Variants in DBX2 observed in about 807,000 individuals in gnomAD.
The protein encoded by DBX2 is homeobox protein DBX2.
DBX2 carries 16 observed loss-of-function variants against 17.7 expected under a neutral mutation model. The observed-to-expected ratio is 0.90, with a 90% CI of 0.61 to 1.37. DBX2 has a LOEUF of 1.37. Among genes scored for constraint, DBX2 ranks in the 40% most tolerant of loss-of-function variants. The pLI, the probability that DBX2 is intolerant of heterozygous loss-of-function variation, is 0.00. For synonymous variants in DBX2, 255 were observed against 183.8 expected, an observed-to-expected ratio of 1.39 and a Z score of -3.13; for missense variants, 538 against 433.8, an observed-to-expected ratio of 1.24 and a Z score of -2.13.
intron 1 of DBX2, 114 bp from the exon 2 acceptor site, chr12:45,036,228 T>A: frequency 4.2e-6 from 4 of 955,156 alleles, no homozygotes; most frequent in Non-Finnish European, 5.9e-6. Context: ...TAATTTGTAT[T>A]GAAATTAAAG....
In DBX2 at chr12:45,023,897, A is replaced by G. The variant is rs758634741; in HGVS notation, c.500-3T>C. The G allele has an allele frequency of 1.9e-5, 29 of 1,542,184 alleles. No individual in the cohort carries two copies. The highest frequency in any genetic ancestry group is 1.3e-5 in the South Asian group (1 of 76,736). Reference sequence around the variant, plus strand: ...GAGAGGCAGCATGCTCTCTTCTCCTAGAGTCGAGGGAAAAAGATACAAAAG... The same window carrying G: ...GAGAGGCAGCATGCTCTCTTCTCCTGGAGTCGAGGGAAAAAGATACAAAAG... On this transcript the variant is annotated splice_region_variant and splice_polypyrimidine_tract_variant and intron_variant, in intron 2 of 3. Coordinates refer to ENST00000332700, the MANE Select transcript of DBX2 (RefSeq NM_001004329.3).
At chr12:45,029,601 A>C (rs1183497834) in intron 2 of DBX2, among the ~76,000 whole-genome samples, 6 of 152,208 alleles carry the variant, frequency 3.9e-5, no homozygotes, top group African/African-American at 1.4e-4. Context: ...GCAGTGGCTC[A>C]TGCCTGTAAT....
intron 3 of DBX2, among the ~76,000 whole-genome samples, chr12:45,020,917 A>G (rs2137018691): frequency 6.6e-6 from 1 of 152,224 alleles, no homozygotes; most frequent in East Asian, 1.9e-4. Context: ...CGCCATTTGT[A>G]AATGACAGAA....
At chr12:45,028,051 C>T (rs988112278) in intron 2 of DBX2, among the ~76,000 whole-genome samples, 1 of 152,188 alleles carries the variant, frequency 6.6e-6, no homozygotes, top group African/African-American at 2.4e-5. Flanking sequence ...AGCAATTCCT[C>T]TTGCTGGCAA....
chr12:45,044,435 A>G (rs1015800679), intron 1 of DBX2, among the ~76,000 whole-genome samples: 2 of 152,198 alleles, frequency 1.3e-5, no homozygotes, highest in Non-Finnish European at 2.9e-5. Context: ...GTTTTAAAGA[A>G]CAAGAAATTT....
intron 1 of DBX2, among the ~76,000 whole-genome samples, chr12:45,039,499 G>A (rs967223955): frequency 6.6e-6 from 1 of 151,410 alleles, no homozygotes; most frequent in Non-Finnish European, 1.5e-5. Flanking sequence ...TAGATAAAAT[G>A]CATTTCAAAC....
At chr12:45,032,926 T>G (rs1488800258) in intron 2 of DBX2, among the ~76,000 whole-genome samples, 3 of 152,248 alleles carry the variant, frequency 2.0e-5, no homozygotes, top group Non-Finnish European at 4.4e-5. Context: ...TTCCATTTCA[T>G]GTTATTTGAG....
chr12:45,049,822 G>A (rs1296098937), intron 1 of DBX2, among the ~76,000 whole-genome samples: 1 of 152,092 alleles, frequency 6.6e-6, no homozygotes, highest in Non-Finnish European at 1.5e-5. Context: ...GGTTTTATAC[G>A]GTGATTAAAA....
At chr12:45,027,484 GAA>G (rs1249463209) in intron 2 of DBX2, among the ~76,000 whole-genome samples, 1 of 152,000 alleles carries the variant, frequency 6.6e-6, no homozygotes, top group Non-Finnish European at 1.5e-5. Flanking sequence ...AAAATTAGGA[GAA>G]AAAATAAATA....
chr12:45,031,039 C>A (rs981102750), intron 2 of DBX2, among the ~76,000 whole-genome samples: 1 of 152,150 alleles, frequency 6.6e-6, no homozygotes, highest in South Asian at 2.1e-4. Flanking sequence ...GTGTCTCTCC[C>A]TCCTGGAGTC....
intron 1 of DBX2, among the ~76,000 whole-genome samples, chr12:45,048,082 T>C (rs1946509396): frequency 6.6e-6 from 1 of 152,132 alleles, no homozygotes; most frequent in Non-Finnish European, 1.5e-5. Context: ...AGTAAGCATG[T>C]GCTGAATGAA....
intron 2 of DBX2, among the ~76,000 whole-genome samples, chr12:45,035,084 A>G (rs1946432506): frequency 6.6e-6 from 1 of 152,232 alleles, no homozygotes; most frequent in Non-Finnish European, 1.5e-5. Flanking sequence ...TTGCTGCCTC[A>G]CTTGTCAGGA....
rs11182793 is a variant in DBX2, at chr12:45,016,012, T to C, written c.*274A>G. The C allele has an allele frequency of 0.025, 7,414 of 302,010 alleles. 373 individuals are homozygous for C. Among genetic ancestry groups the C allele is most frequent in the East Asian group, 0.19 (3,119 of 16,400 alleles). 18.7% of individuals were successfully genotyped at this position (302,010 alleles called of 1,614,324 possible). A position where few individuals can be genotyped will look rare whatever the true frequency, so the allele number is the denominator to read the frequency against. ...ACACACACATAGAGACAAACACATA[T>C]ATACACATACTCAGAGCAGGGACCG... is the stretch of plus-strand genomic sequence containing the variant. On this transcript the variant is annotated 3_prime_UTR_variant, in exon 4 of 4. Transcript: ENST00000332700.
chr12:45,047,507 G>C (rs1447009523), intron 1 of DBX2, among the ~76,000 whole-genome samples: 2 of 152,020 alleles, frequency 1.3e-5, no homozygotes, highest in Non-Finnish European at 2.9e-5. Context: ...TTTTCTTGCT[G>C]TAAATACTCA....
At chr12:45,028,550 AG>A (rs1410525226) in intron 2 of DBX2, among the ~76,000 whole-genome samples, 1 of 152,188 alleles carries the variant, frequency 6.6e-6, no homozygotes, top group Non-Finnish European at 1.5e-5. Context: ...AGCAACCCAT[AG>A]GTTTTCCTAA....
chr12:45,048,845 T>C (rs1439927360), intron 1 of DBX2, among the ~76,000 whole-genome samples: 1 of 152,198 alleles, frequency 6.6e-6, no homozygotes. Context: ...GAAAAATACA[T>C]GCTTAAACTG....
At position 45,050,589 on chromosome 12, in the gene DBX2, G is replaced by C; in HGVS notation, c.339C>G (p.Asp113Glu). Residue 113 changes from aspartate to glutamate, a missense_variant, in exon 1 of 4, where the codon GAC (aspartate) becomes GAG (glutamate). By Grantham distance (45) the Asp-to-Glu change is conservative. Transcript: ENST00000332700. Reference sequence around the variant, plus strand: ...GAGCCCGGCCCGGCAGCCTCGCACTGTCCGCAGAGGGACTGAGCACTTGAA... The same window carrying C: ...GAGCCCGGCCCGGCAGCCTCGCACTCTCCGCAGAGGGACTGAGCACTTGAA... ...WAFQVLSPSA[D>E]SARLPGRAPG... 2.6e-6 allele frequency: 4 copies of C among 1,551,852 alleles called. No individual in the cohort carries two copies. Among genetic ancestry groups the C allele is most frequent in the South Asian group, 1.2e-5 (1 of 84,142 alleles).
intron 3 of DBX2, among the ~76,000 whole-genome samples, chr12:45,016,940 T>C (rs1355859686): frequency 6.6e-6 from 1 of 152,076 alleles, no homozygotes; most frequent in African/African-American, 2.4e-5. Flanking sequence ...TGCACCACCA[T>C]AACCGGCTAA....
At position 45,016,337 on chromosome 12, in the gene DBX2, T is replaced by C. The variant is rs1946322985; in HGVS notation, c.969A>G (p.Leu323=). ...TGCTTCCAGCTTCTTCTTCAGAACATAAATATAAGGCACCTTGCAGTGAAT... is the reference window on the plus strand; with the variant it reads ...TGCTTCCAGCTTCTTCTTCAGAACACAAATATAAGGCACCTTGCAGTGAAT... ...EANSLQGALY[L]CSEEEAGSKG... The change falls in exon 4 of 4, where the codon TTA becomes TTG. Residue 323 remains leucine, a synonymous_variant. Coordinates refer to ENST00000332700, the MANE Select transcript of DBX2 (RefSeq NM_001004329.3). 3.1e-6 allele frequency: 5 copies of C among 1,607,164 alleles called. No individual in the cohort carries two copies. The highest frequency in any genetic ancestry group is 4.2e-6 in the Non-Finnish European group (5 of 1,177,462).
Sources: gnomAD v4.1 joint callset for allele counts (sites outside exome capture counted in the v4.1 genomes callset) on GRCh38, gnomAD v4.1.1 for gene constraint, MANE v1.5 for transcripts, NCBI Gene and HGNC (gene_info 2026-07-23, HGNC 2026-07-21) for gene names.